FSTL5: variants seen among roughly 807,000 people sequenced by gnomAD.
FSTL5 encodes follistatin like 5, also known as follistatin-related protein 5.
FSTL5 carries 62 observed loss-of-function variants against 89.1 expected under a neutral mutation model. That is an observed-to-expected ratio of 0.70 (90% CI 0.57 to 0.86). The LOEUF is 0.86. Ranked by LOEUF, FSTL5 falls within the 40% of genes least tolerant of loss-of-function variation. The pLI is 0.00. For synonymous variants in FSTL5, 383 were observed against 346.2 expected, an observed-to-expected ratio of 1.11 and a Z score of -1.18; for missense variants, 1,057 against 1,001.6, an observed-to-expected ratio of 1.06 and a Z score of -0.75.
intron 2 of FSTL5, among the ~76,000 whole-genome samples, chr4:162,077,841 T>C (rs1729930533): frequency 6.6e-6 from 1 of 151,830 alleles, no homozygotes; most frequent in African/African-American, 2.4e-5. Flanking sequence ...CTGAGAGTTC[T>C]AAAGTTTCTT....
At chr4:161,524,766 T>G (rs1054993990) in intron 10 of FSTL5, among the ~76,000 whole-genome samples, 4 of 152,108 alleles carry the variant, frequency 2.6e-5, no homozygotes, top group Non-Finnish European at 5.9e-5. Flanking sequence ...GAGACCATCC[T>G]GGCTAACATG....
chr4:161,497,169 T>C (rs1578878568), intron 12 of FSTL5, among the ~76,000 whole-genome samples: 1 of 152,308 alleles, frequency 6.6e-6, no homozygotes, highest in Admixed American at 6.5e-5. Context: ...TATTGCTGTA[T>C]ACTTGCATGT....
At chr4:161,996,443 T>A (rs1422382642) in intron 3 of FSTL5, among the ~76,000 whole-genome samples, 2 of 152,148 alleles carry the variant, frequency 1.3e-5, no homozygotes, top group Non-Finnish European at 2.9e-5. Context: ...CCTTCACCTA[T>A]CCCAAACCTC....
chr4:161,830,386 G>T (rs567766946), intron 4 of FSTL5, among the ~76,000 whole-genome samples: 1 of 152,116 alleles, frequency 6.6e-6, no homozygotes, highest in Admixed American at 6.5e-5. Context: ...ATTTTTTAAT[G>T]AGTGTTTATT....
At chr4:161,877,438 T>C (rs564183452) in intron 4 of FSTL5, among the ~76,000 whole-genome samples, 71 of 151,558 alleles carry the variant, frequency 4.7e-4, no homozygotes, top group Middle Eastern at 3.4e-3. Context: ...AAAAATATTT[T>C]TACTAAGTGG....
At chr4:161,457,222 A>G (rs1323649943) in intron 14 of FSTL5, among the ~76,000 whole-genome samples, 1 of 152,214 alleles carries the variant, frequency 6.6e-6, no homozygotes, top group Non-Finnish European at 1.5e-5. Flanking sequence ...ATCTATATTC[A>G]TATAACATAC....
chr4:162,028,715 C>T (rs1737396806), intron 3 of FSTL5, among the ~76,000 whole-genome samples: 1 of 152,096 alleles, frequency 6.6e-6, no homozygotes, highest in African/African-American at 2.4e-5. Flanking sequence ...AATATAAAGA[C>T]ATGCAATAAT....
intron 7 of FSTL5, among the ~76,000 whole-genome samples, chr4:161,647,111 A>C (rs1736178761): frequency 6.6e-6 from 1 of 152,146 alleles, no homozygotes; most frequent in African/African-American, 2.4e-5. Context: ...TTATGTTTTC[A>C]TTTAGGAATT....
intron 3 of FSTL5, among the ~76,000 whole-genome samples, chr4:161,970,508 A>G (rs959967644): frequency 3.3e-5 from 5 of 152,244 alleles, no homozygotes; most frequent in Admixed American, 6.6e-5. Flanking sequence ...TGGGTAATAA[A>G]ATTTTTAAAA....
At chr4:161,907,840 T>G (rs887217968) in intron 4 of FSTL5, among the ~76,000 whole-genome samples, 2 of 152,120 alleles carry the variant, frequency 1.3e-5, no homozygotes, top group Non-Finnish European at 2.9e-5. Context: ...CCTTTTGAGT[T>G]CTAACATCTA....
chr4:161,716,169 A>G (rs1738973923), intron 6 of FSTL5, among the ~76,000 whole-genome samples: 1 of 152,150 alleles, frequency 6.6e-6, no homozygotes, highest in South Asian at 2.1e-4. Context: ...TAGGGATTTC[A>G]TACTTGTTCT....
chr4:161,692,939 G>T (rs1422300744), intron 6 of FSTL5, among the ~76,000 whole-genome samples: 1 of 152,076 alleles, frequency 6.6e-6, no homozygotes, highest in African/African-American at 2.4e-5. Flanking sequence ...GGCCAGGAAG[G>T]TCTCAATCTC....
intron 3 of FSTL5, among the ~76,000 whole-genome samples, chr4:161,982,913 A>G (rs1735864284): frequency 6.6e-6 from 1 of 152,174 alleles, no homozygotes; most frequent in Admixed American, 6.5e-5. Flanking sequence ...CTTAATGACC[A>G]TCAAAATATA....
intron 6 of FSTL5, among the ~76,000 whole-genome samples, chr4:161,704,583 AT>A (rs564664635): frequency 3.1e-4 from 46 of 150,564 alleles, no homozygotes; most frequent in Admixed American, 1.1e-3. Flanking sequence ...AGGTCATTCA[AT>A]TTTTTTTTTC....
At chr4:161,955,915 T>C (rs915666087) in intron 3 of FSTL5, among the ~76,000 whole-genome samples, 1 of 151,802 alleles carries the variant, frequency 6.6e-6, no homozygotes, top group Non-Finnish European at 1.5e-5. Flanking sequence ...TTTTTGCTTT[T>C]TTGACACTTG....
intron 6 of FSTL5, among the ~76,000 whole-genome samples, chr4:161,748,375 A>T (rs1016143258): frequency 3.9e-5 from 6 of 152,120 alleles, no homozygotes; most frequent in Admixed American, 3.9e-4. Flanking sequence ...TACTGTGATG[A>T]TCCTGAAAAA....
Position 161,735,673 on chromosome 4 carries a change from TA to T in FSTL5, c.727+23737del, listed in dbSNP as rs1349260976. Among the ~76,000 whole-genome samples the T allele has an allele frequency of 3.9e-4, 60 of 152,152 alleles. 1 individual carries two copies. Among genetic ancestry groups the T allele is most frequent in the Admixed American group, 3.9e-3 (59 of 15,258 alleles). On this transcript the variant is annotated intron_variant, in intron 6 of 15. Coordinates refer to ENST00000306100, the MANE Select transcript of FSTL5 (RefSeq NM_020116.5). ...GTATAGTATAAATACTTTCATTTGT[TA>T]TTAATGCATATATAACTTCAGTAAA...
At chr4:162,073,318 G>A (rs544835364) in intron 2 of FSTL5, among the ~76,000 whole-genome samples, 2 of 151,612 alleles carry the variant, frequency 1.3e-5, no homozygotes, top group African/African-American at 4.8e-5. Flanking sequence ...AAAAATAACT[G>A]CTTTTAAATT....
chr4:161,608,768 G>T (rs1734541630), intron 7 of FSTL5, among the ~76,000 whole-genome samples: 1 of 151,882 alleles, frequency 6.6e-6, no homozygotes, highest in South Asian at 2.1e-4. Context: ...TGTCATATGA[G>T]AGTTTTAAAT....
Sources: gnomAD v4.1 joint callset for allele counts (sites outside exome capture counted in the v4.1 genomes callset) on GRCh38, gnomAD v4.1.1 for gene constraint, MANE v1.5 for transcripts, NCBI Gene and HGNC (gene_info 2026-07-23, HGNC 2026-07-21) for gene names.